FHOD3: variants seen among roughly 807,000 people sequenced by gnomAD.
FHOD3 encodes FH1/FH2 domain-containing protein 3.
Under a neutral mutation model 173.0 loss-of-function variants are expected in FHOD3, and 90 were observed. That is an observed-to-expected ratio of 0.52 (90% CI 0.44 to 0.62). The LOEUF (loss-of-function observed/expected upper bound fraction) is 0.62, where lower values mean the gene tolerates loss of function less well. Ranked by LOEUF, FHOD3 falls within the 20% of genes least tolerant of loss-of-function variation. The pLI, the probability that FHOD3 is intolerant of heterozygous loss-of-function variation, is 0.00. For synonymous variants in FHOD3, 828 were observed against 823.0 expected, an observed-to-expected ratio of 1.01 and a Z score of -0.10; for missense variants, 1,945 against 2,034.7, an observed-to-expected ratio of 0.96 and a Z score of 0.85.
At chr18:36,631,048 A>G (rs2644256) in intron 10 of FHOD3, among the ~76,000 whole-genome samples, 148,921 of 152,314 alleles carry the variant, frequency 0.98, 72,914 homozygotes, top group East Asian at 1. Flanking sequence ...CCAGGAGCAA[A>G]AGAGACCATG....
At chr18:36,578,323 G>A (rs1807794) in intron 6 of FHOD3, among the ~76,000 whole-genome samples, 7,757 of 152,134 alleles carry the variant, frequency 0.051, 497 homozygotes, top group East Asian at 0.15. Flanking sequence ...GTGCAGGGGA[G>A]CCACCCTTTA....
At chr18:36,322,610 A>G (rs2044455758) in intron 1 of FHOD3, among the ~76,000 whole-genome samples, 1 of 152,066 alleles carries the variant, frequency 6.6e-6, no homozygotes, top group Non-Finnish European at 1.5e-5. Flanking sequence ...CCAGCCAGTC[A>G]TTCCTTCTGC....
At chr18:36,509,625 T>G (rs2055521114) in intron 4 of FHOD3, among the ~76,000 whole-genome samples, 1 of 152,192 alleles carries the variant, frequency 6.6e-6, no homozygotes, top group Non-Finnish European at 1.5e-5. Flanking sequence ...CGCTTCAGAT[T>G]AATGTGGCAG....
intron 19 of FHOD3, among the ~76,000 whole-genome samples, chr18:36,723,414 CT>C (rs1395087325): frequency 1.3e-5 from 2 of 152,026 alleles, no homozygotes; most frequent in Non-Finnish European, 2.9e-5. Context: ...TGCCTTAATA[CT>C]TTCCTATACA....
chr18:36,388,652 C>T (rs1420182270), intron 3 of FHOD3, among the ~76,000 whole-genome samples: 4 of 152,136 alleles, frequency 2.6e-5, no homozygotes, highest in Non-Finnish European at 5.9e-5. Flanking sequence ...ATGGCCGAGT[C>T]CCTTCCCCTC....
intron 5 of FHOD3, among the ~76,000 whole-genome samples, chr18:36,529,603 G>A (rs567490958): frequency 1.2e-4 from 19 of 152,140 alleles, no homozygotes; most frequent in Non-Finnish European, 2.5e-4. Flanking sequence ...TGGATCACTT[G>A]AGGTCAGGAG....
chr18:36,382,785 G>A (rs961338471), intron 3 of FHOD3, among the ~76,000 whole-genome samples: 5 of 102,414 alleles, frequency 4.9e-5, no homozygotes, highest in Admixed American at 1.1e-4. Context: ...GTCTAGGAAT[G>A]TAAGACTGTC....
Position 36,720,644 on chromosome 18 carries a change from C to T in FHOD3, c.3417+1929C>T, listed in dbSNP as rs963735092. 3.3e-5 allele frequency among the ~76,000 whole-genome samples: 5 copies of T among 152,240 alleles called. No homozygotes were observed. The East Asian group carries it at 7.7e-4, about 24-fold the overall frequency. ...AGTTACCCATGACCTGACTTGCTGA[C>T]ACCACCTTCCAACCTACTGACCTAA... is the stretch of plus-strand genomic sequence containing the variant. On this transcript the variant is annotated intron_variant, in intron 19 of 28. Transcript: ENST00000590592.
chr18:36,767,613 C>T (rs2043195725), intron 27 of FHOD3, among the ~76,000 whole-genome samples: 1 of 152,190 alleles, frequency 6.6e-6, no homozygotes, highest in African/African-American at 2.4e-5. Flanking sequence ...AGCCACTGCA[C>T]CCAGCCAACA....
chr18:36,590,540 G>C (rs983518400), intron 6 of FHOD3, among the ~76,000 whole-genome samples: 1 of 152,188 alleles, frequency 6.6e-6, no homozygotes, highest in Non-Finnish European at 1.5e-5. Flanking sequence ...TAGTGTTCTA[G>C]TGCTCTTTTT....
chr18:36,680,728 T>A (rs769508359), intron 14 of FHOD3, among the ~76,000 whole-genome samples: 1 of 152,252 alleles, frequency 6.6e-6, no homozygotes. Context: ...AGTCCTTGGA[T>A]GCTTCTTGAC....
chr18:36,740,920 A>C (rs2041871212), intron 21 of FHOD3, 82 bp downstream of exon 21: 1 of 1,310,598 alleles, frequency 7.6e-7, no homozygotes, highest in Non-Finnish European at 1.0e-6. Flanking sequence ...GTACTAAGGC[A>C]GTGAAATATC....
chr18:36,398,464 T>C, intron 3 of FHOD3, among the ~76,000 whole-genome samples: 1 of 152,228 alleles, frequency 6.6e-6, no homozygotes, highest in South Asian at 2.1e-4. Flanking sequence ...CATGTTGTAA[T>C]TCTATAACCA....
chr18:36,379,127 A>G (rs1167963479), intron 3 of FHOD3, among the ~76,000 whole-genome samples: 1 of 152,220 alleles, frequency 6.6e-6, no homozygotes. Flanking sequence ...GAGTGGCTTT[A>G]CCATCTACAG....
At chr18:36,383,342 G>T (rs966103095) in intron 3 of FHOD3, among the ~76,000 whole-genome samples, 1 of 152,220 alleles carries the variant, frequency 6.6e-6, no homozygotes, top group Admixed American at 6.5e-5. Flanking sequence ...AGGGTGCTGT[G>T]CTGCGGCTGA....
intron 17 of FHOD3, among the ~76,000 whole-genome samples, chr18:36,701,402 G>A (rs2039581619): frequency 6.6e-6 from 1 of 152,106 alleles, no homozygotes; most frequent in Non-Finnish European, 1.5e-5. Context: ...GAGAATAATT[G>A]AACCTGAAAT....
At chr18:36,517,034 A>T (rs1038638512) in intron 5 of FHOD3, among the ~76,000 whole-genome samples, 1 of 151,176 alleles carries the variant, frequency 6.6e-6, no homozygotes, top group Non-Finnish European at 1.5e-5. Flanking sequence ...TCCTTTGAGG[A>T]TGTGTCTGCT....
At chr18:36,670,406 G>A (rs1269272631) in intron 14 of FHOD3, among the ~76,000 whole-genome samples, 1 of 152,020 alleles carries the variant, frequency 6.6e-6, no homozygotes, top group Non-Finnish European at 1.5e-5. Context: ...TTCACTGGTG[G>A]TCTGTTGATT....
At chr18:36,388,643 T>C (rs1167079304) in intron 3 of FHOD3, among the ~76,000 whole-genome samples, 1 of 152,154 alleles carries the variant, frequency 6.6e-6, no homozygotes, top group African/African-American at 2.4e-5. Context: ...TGGGCAGGGA[T>C]GGCCGAGTCC....
Sources: allele counts gnomAD v4.1 joint callset (sites outside exome capture counted in the v4.1 genomes callset), GRCh38; gene constraint gnomAD v4.1.1; transcripts MANE v1.5; gene names NCBI Gene and HGNC (gene_info 2026-07-23, HGNC 2026-07-21).